Variants in FBXO28 observed in about 807,000 individuals in gnomAD.
FBXO28 encodes F-box only protein 28.
Under a neutral mutation model 38.1 loss-of-function variants are expected in FBXO28, and 8 were observed. That is an observed-to-expected ratio of 0.21 (90% CI 0.12 to 0.38). The LOEUF (loss-of-function observed/expected upper bound fraction) is 0.38. FBXO28 is among the 10% of genes least tolerant of loss of function. The pLI, the probability that FBXO28 is intolerant of heterozygous loss-of-function variation, is 1.00. For synonymous variants in FBXO28, 168 were observed against 173.8 expected (o/e 0.97, Z 0.26); for missense variants, 345 against 460.6 (o/e 0.75, Z 2.30).
At chr1:224,127,176 GTGTGTGTA>G (rs768265959) in intron 1 of FBXO28, among the ~76,000 whole-genome samples, 18,341 of 78,458 alleles carry the variant, frequency 0.23, 1,269 homozygotes, top group South Asian at 0.35. Flanking sequence ...GTGTGTGTGT[GTGTGTGTA>G]TGTGTGTGTG....
intron 2 of FBXO28, among the ~76,000 whole-genome samples, chr1:224,131,381 G>C (rs1007203683): frequency 7.9e-5 from 12 of 152,116 alleles, no homozygotes; most frequent in African/African-American, 2.9e-4. Flanking sequence ...TTTGAAAAAG[G>C]AGAGCAGTAT....
At chr1:224,114,516 G>C in intron 1 of FBXO28, 120 bp downstream of exon 1, 1 of 870,474 alleles carries the variant, frequency 1.1e-6, no homozygotes, top group Non-Finnish European at 1.7e-6. Context: ...ACAGATCTGG[G>C]AGGGAGCCGC....
chr1:224,129,366 G>T (rs1336846527), intron 1 of FBXO28, among the ~76,000 whole-genome samples: 1 of 152,146 alleles, frequency 6.6e-6, no homozygotes. Context: ...AGGATATACA[G>T]TGTCTAATAT....
chr1:224,123,328 G>T (rs1432585447), intron 1 of FBXO28, among the ~76,000 whole-genome samples: 6 of 151,186 alleles, frequency 4.0e-5, no homozygotes, highest in African/African-American at 1.5e-4. Context: ...TGGATCACTT[G>T]AGCCCAGGAG....
At chr1:224,121,450 T>C (rs540362301) in intron 1 of FBXO28, among the ~76,000 whole-genome samples, 45 of 152,306 alleles carry the variant, frequency 3.0e-4, no homozygotes, top group African/African-American at 1.0e-3. Context: ...TATATATGTG[T>C]AGTATATTCA....
At chr1:224,123,773 C>T (rs1656839362) in intron 1 of FBXO28, among the ~76,000 whole-genome samples, 2 of 152,088 alleles carry the variant, frequency 1.3e-5, no homozygotes, top group African/African-American at 4.8e-5. Context: ...ATCTTAGAAT[C>T]AGTTAAGACT....
chr1:224,152,512 C>T (rs1376471744), intron 3 of FBXO28, among the ~76,000 whole-genome samples: 2 of 152,178 alleles, frequency 1.3e-5, no homozygotes, highest in East Asian at 1.9e-4. Flanking sequence ...CACTTATGTA[C>T]ACACATATCT....
chr1:224,131,635 G>T (rs1268859047), intron 2 of FBXO28, among the ~76,000 whole-genome samples: 1 of 152,080 alleles, frequency 6.6e-6, no homozygotes, highest in Non-Finnish European at 1.5e-5. Context: ...AATGAAGTTG[G>T]ACCTCTTCCT....
At chr1:224,148,863 T>TCCTC in intron 3 of FBXO28, among the ~76,000 whole-genome samples, 1 of 152,190 alleles carries the variant, frequency 6.6e-6, no homozygotes, top group South Asian at 2.1e-4. Context: ...ATTTACTTAC[T>TCCTC]AATGTCCTTC....
chr1:224,124,926 C>A (rs560525800), intron 1 of FBXO28, among the ~76,000 whole-genome samples: 94 of 152,140 alleles, frequency 6.2e-4, no homozygotes, highest in African/African-American at 2.0e-3. Flanking sequence ...TGGGGTTTCA[C>A]CCTGTTGACC....
chr1:224,119,900 T>A (rs939917593), intron 1 of FBXO28, among the ~76,000 whole-genome samples: 6 of 152,196 alleles, frequency 3.9e-5, no homozygotes, highest in African/African-American at 1.4e-4. Flanking sequence ...TGTCCTCCTG[T>A]CTCCCCAGCT....
rs375298316 is a variant in FBXO28 at position 224,115,426 on chromosome 1, ATCT to A, written c.267+1035_267+1037del. On this transcript the variant is annotated intron_variant, in intron 1 of 4. Coordinates refer to ENST00000366862, the MANE Select transcript of FBXO28 (RefSeq NM_015176.4). The stretch of plus-strand genomic sequence containing the variant: ...TATTTCTGAATGTGCTGTGTATAAC[ATCT>A]TCTTATTACTCAATATGCTATATTG... Among the ~76,000 whole-genome samples, 113 of 152,316 alleles carry A rather than the reference ATCT, an allele frequency of 7.4e-4. 1 individual carries two copies. Among genetic ancestry groups the A allele is most frequent in the East Asian group, 5.6e-3 (29 of 5,192 alleles).
intron 3 of FBXO28, 153 bp downstream of exon 3, chr1:224,134,365 T>A (rs1657127079): frequency 1.8e-6 from 1 of 547,662 alleles, no homozygotes; most frequent in Admixed American, 3.7e-5. Context: ...GTTATAAATA[T>A]GTATCATTTG....
At chr1:224,155,024 C>G (rs897981726) in intron 4 of FBXO28, among the ~76,000 whole-genome samples, 1 of 151,442 alleles carries the variant, frequency 6.6e-6, no homozygotes, top group Non-Finnish European at 1.5e-5. Flanking sequence ...ATTTGAGGAC[C>G]ATCTGTATTT....
At chr1:224,146,689 T>C (rs1205394969) in intron 3 of FBXO28, among the ~76,000 whole-genome samples, 2 of 146,318 alleles carry the variant, frequency 1.4e-5, no homozygotes, top group Middle Eastern at 6.4e-3. Flanking sequence ...TACTGTACTT[T>C]TATAAAACTA....
intron 3 of FBXO28, among the ~76,000 whole-genome samples, chr1:224,146,781 T>C (rs6657160): frequency 0.93 from 137,955 of 149,000 alleles, 64,737 homozygotes; most frequent in Non-Finnish European, 1. Flanking sequence ...GATCTGGGTT[T>C]GCTGCAACCT....
chr1:224,153,789 C>T (rs548634530), intron 4 of FBXO28, among the ~76,000 whole-genome samples: 3 of 152,026 alleles, frequency 2.0e-5, no homozygotes, highest in South Asian at 2.1e-4. Flanking sequence ...GGCATGGTGG[C>T]GCACACCTGT....
In FBXO28 at chr1:224,159,535, T is replaced by C. The variant is rs891176456; in HGVS notation, c.*1789T>C. On this transcript the variant is annotated 3_prime_UTR_variant, in exon 5 of 5. Coordinates refer to ENST00000366862, the MANE Select transcript of FBXO28 (RefSeq NM_015176.4). ...AAGGTAATTTTAAAATAAAACAATT[T>C]CCAAAAAACATTTGTCAGCCAAGGT... 1 of 152,592 alleles carries C rather than the reference T, an allele frequency of 6.6e-6. No individual in the cohort carries two copies. The highest frequency in any genetic ancestry group is 2.4e-5 in the African/African-American group (1 of 41,440). The allele number at this position is 152,592 out of a possible 1,614,324, so 9.5% of individuals were successfully genotyped here.
chr1:224,150,501 TA>T (rs1657618033), intron 3 of FBXO28, among the ~76,000 whole-genome samples: 1 of 152,198 alleles, frequency 6.6e-6, no homozygotes, highest in African/African-American at 2.4e-5. Context: ...TTTTATTAAC[TA>T]TTTCTTGATT....
Sources: allele counts gnomAD v4.1 joint callset (sites outside exome capture counted in the v4.1 genomes callset), GRCh38; gene constraint gnomAD v4.1.1; transcripts MANE v1.5; gene names NCBI Gene and HGNC (gene_info 2026-07-23, HGNC 2026-07-21).